The following RGS3 variants were observed in gnomAD, a reference collection of about 807,000 sequenced individuals.
RGS3 encodes the protein regulator of G-protein signalling 3.
Under a neutral mutation model 132.6 loss-of-function variants are expected in RGS3, and 80 were observed. The ratio of observed to expected loss-of-function variants is 0.60; its 90% CI spans 0.50 to 0.73. RGS3 has a LOEUF of 0.73. RGS3 is among the 30% of genes least tolerant of loss of function. The probability of loss-of-function intolerance (pLI) is 0.00; values close to 1 mark genes in which losing one functional copy is unlikely to be tolerated. For missense variants in RGS3, 1,382 were observed against 1,530.8 expected, an observed-to-expected ratio of 0.90 and a Z score of 1.62; for synonymous variants, 598 against 620.6, an observed-to-expected ratio of 0.96 and a Z score of 0.54.
At chr9:113,479,302 A>G (rs1411072019) in intron 3 of RGS3, 189 bp from the exon 2 acceptor site, 1 of 659,030 alleles carries the variant, frequency 1.5e-6, no homozygotes, top group African/African-American at 1.8e-5. Context: ...GGCATTCGAA[A>G]GGGACTCCCG....
chr9:113,529,110 C>A (rs55977108), intron 17 of RGS3, 111 bp from the exon 16 acceptor site: 3 of 824,596 alleles, frequency 3.6e-6, no homozygotes, highest in African/African-American at 1.7e-5. Flanking sequence ...TCTCTTTTCC[C>A]AGGAGGTGCC....
chr9:113,582,641 T>C (rs1010646609), intron 19 of RGS3: 17 of 152,248 alleles, frequency 1.1e-4, no homozygotes, highest in African/African-American at 3.9e-4. Context: ...ATTCAGACTT[T>C]CATTAAGAGA....
At chr9:113,544,468 T>G (rs1224430839) in intron 19 of RGS3, among the ~76,000 whole-genome samples, 1 of 152,192 alleles carries the variant, frequency 6.6e-6, no homozygotes, top group African/African-American at 2.4e-5. Flanking sequence ...TATATATGTC[T>G]TATATTTTTA....
chr9:113,454,762 G>T (rs1372875311), intron 1 of RGS3, among the ~76,000 whole-genome samples: 1 of 146,630 alleles, frequency 6.8e-6, no homozygotes, highest in Non-Finnish European at 1.5e-5. Flanking sequence ...ACTGAGGGAA[G>T]ACCCTTCTGA....
Position 113,506,525 on chromosome 9 carries a change from C to T in RGS3, c.1085+32C>T. The T allele has an allele frequency of 7.0e-7, 1 of 1,437,876 alleles. No individual in the cohort carries two copies. The highest frequency in any genetic ancestry group is 9.6e-7 in the Non-Finnish European group (1 of 1,040,500). The allele number at this position is 1,437,876 out of a possible 1,614,324, so 89.1% of individuals were successfully genotyped here. A position where few individuals can be genotyped will look rare whatever the true frequency, so the allele number is the denominator to read the frequency against. ...GGGGACAGCGGGTGGCCTGGGGCCT[C>T]AGGCTGATGGCACACCCTCCCCACC... is the stretch of plus-strand genomic sequence containing the variant. On this transcript the variant is annotated intron_variant, in intron 12 of 24. Transcript: ENST00000350696. This position sits in a 1 kb window ranked among gnomAD's most constrained non-coding sequence, Gnocchi z 4.7.
In RGS3 at chr9:113,486,518, C is replaced by T. The variant is rs375908780; in HGVS notation, c.689+825C>T. ...TTAGAGCGGAGCAGGGGAGGAGTGC[C>T]GGGCAGGTGAGCATGAGAATTGGCT... is the stretch of plus-strand genomic sequence containing the variant. On this transcript the variant is annotated intron_variant, in intron 7 of 24. Coordinates refer to ENST00000350696, the Ensembl canonical transcript of RGS3. Among the ~76,000 whole-genome samples the T allele has an allele frequency of 1.4e-4, 21 of 152,256 alleles. No homozygotes were observed. The East Asian group carries it at 1.5e-3, about 11-fold the overall frequency.
chr9:113,543,407 TG>T (rs1331251905), intron 19 of RGS3, among the ~76,000 whole-genome samples: 1 of 152,214 alleles, frequency 6.6e-6, no homozygotes, highest in Non-Finnish European at 1.5e-5. Flanking sequence ...TAACAGGGGA[TG>T]GGCTGGATCT....
At chr9:113,448,722 T>C (rs1829173175) in intron 1 of RGS3, among the ~76,000 whole-genome samples, 1 of 152,166 alleles carries the variant, frequency 6.6e-6, no homozygotes, top group African/African-American at 2.4e-5. Context: ...TGTAAGTGCT[T>C]AATAATATAT....
At chr9:113,528,550 G>A (rs954599364) in intron 17 of RGS3, among the ~76,000 whole-genome samples, 6 of 152,164 alleles carry the variant, frequency 3.9e-5, no homozygotes, top group African/African-American at 1.4e-4. Flanking sequence ...ACCTTCCCTC[G>A]GCGTTGACAT....
At chr9:113,513,433 G>A (rs2119361403) in intron 14 of RGS3, among the ~76,000 whole-genome samples, 1 of 152,284 alleles carries the variant, frequency 6.6e-6, no homozygotes, top group African/African-American at 2.4e-5. Context: ...GTACAGTGAA[G>A]CCTGGGATTC....
chr9:113,584,197 C>T (rs368541698), exon 20 of RGS3: 13 of 1,614,134 alleles, frequency 8.1e-6, no homozygotes, highest in Non-Finnish European at 1.1e-5. Flanking sequence ...TGAGGGTGGC[C>T]TCTCACTGCG....
Position 113,507,165 on chromosome 9 carries a change from G to A in RGS3, c.1086-122G>A. On this transcript the variant is annotated intron_variant, in intron 12 of 24. Transcript: ENST00000350696. The surrounding 1 kb of genome is among the most constrained non-coding windows in gnomAD (Gnocchi z 5.0). Reference sequence around the variant, plus strand: ...CATCCCTTCCTGCCCTGACACTGGGGGCTTCCCCTCTGGTGTCTGCCTCCT... The same window carrying A: ...CATCCCTTCCTGCCCTGACACTGGGAGCTTCCCCTCTGGTGTCTGCCTCCT... 4.0e-6 allele frequency: 3 copies of A among 754,268 alleles called. No individual in the cohort carries two copies. The highest frequency in any genetic ancestry group is 6.4e-6 in the Non-Finnish European group (3 of 468,270). The allele number at this position is 754,268 out of a possible 1,614,324, so 46.7% of individuals were successfully genotyped here. A position where few individuals can be genotyped will look rare whatever the true frequency, so the allele number is the denominator to read the frequency against.
At chr9:113,472,332 G>A (rs1182611361) in intron 3 of RGS3, among the ~76,000 whole-genome samples, 2 of 152,078 alleles carry the variant, frequency 1.3e-5, no homozygotes, top group Non-Finnish European at 2.9e-5. Flanking sequence ...TGTTCATAAC[G>A]GCATTATTCA....
intron 18 of RGS3, among the ~76,000 whole-genome samples, chr9:113,529,637 T>C (rs1003864978): frequency 6.6e-6 from 1 of 152,244 alleles, no homozygotes; most frequent in African/African-American, 2.4e-5. Context: ...TGTACCTGCC[T>C]CTTGCTTCCA....
chr9:113,511,993 C>G (rs1831424988), intron 14 of RGS3, among the ~76,000 whole-genome samples: 1 of 152,132 alleles, frequency 6.6e-6, no homozygotes, highest in African/African-American at 2.4e-5. Context: ...TGATAATCCC[C>G]TGACTACTCA....
At chr9:113,593,607 C>T (rs1040646949) in intron 21 of RGS3, 2 of 383,566 alleles carry the variant, frequency 5.2e-6, no homozygotes, top group Admixed American at 4.3e-5. Context: ...GACTGGATGT[C>T]GCCAATGCAG....
At position 113,479,472 on chromosome 9, in the gene RGS3, T is replaced by G; in HGVS notation, c.416-19T>G. 2.5e-6 allele frequency: 4 copies of G among 1,614,104 alleles called. No individual in the cohort carries two copies. Among genetic ancestry groups the G allele is most frequent in the Non-Finnish European group, 3.4e-6 (4 of 1,179,944 alleles). ...ACCAGGGAGCTGAGGCAAGGTTGTT[T>G]CTGTTGCTGTTTCCTTAGGTCAGCT... On this transcript the variant is annotated intron_variant, in intron 3 of 24. Transcript: ENST00000350696.
At chr9:113,523,648 C>T (rs555670664) in intron 17 of RGS3, among the ~76,000 whole-genome samples, 29 of 152,194 alleles carry the variant, frequency 1.9e-4, no homozygotes, top group African/African-American at 6.7e-4. Context: ...CTTTCCACCA[C>T]GCCCTCCACT....
chr9:113,519,055 C>G (rs751597918), intron 16 of RGS3, among the ~76,000 whole-genome samples: 38 of 152,234 alleles, frequency 2.5e-4, no homozygotes, highest in Non-Finnish European at 5.0e-4. Context: ...ATTGTGTATC[C>G]TCATTGTGTA....
Sources: gnomAD v4.1 joint callset for allele counts (sites outside exome capture counted in the v4.1 genomes callset) on GRCh38, gnomAD v4.1.1 for gene constraint, Gnocchi (gnomAD v3.1) non-coding constraint, MANE v1.5 for transcripts, NCBI Gene and HGNC (gene_info 2026-07-23, HGNC 2026-07-21) for gene names.